WDFY4: variants seen among roughly 807,000 people sequenced by gnomAD.
The protein encoded by WDFY4 is WD repeat- and FYVE domain-containing protein 4.
In WDFY4, 169 loss-of-function variants were observed where a neutral mutation model predicts 351.9. The ratio of observed to expected loss-of-function variants is 0.48; its 90% CI spans 0.42 to 0.55. The LOEUF is 0.55. Among genes scored for constraint, WDFY4 ranks in the 20% least tolerant of loss-of-function variants. The pLI, the probability that WDFY4 is intolerant of heterozygous loss-of-function variation, is 0.00. For missense variants in WDFY4, 3,803 were observed against 3,935.6 expected, an observed-to-expected ratio of 0.97 and a Z score of 0.90; for synonymous variants, 1,622 against 1,574.6, an observed-to-expected ratio of 1.03 and a Z score of -0.71.
intron 2 of WDFY4, among the ~76,000 whole-genome samples, chr10:48,716,443 A>T (rs1432672440): frequency 7.2e-5 from 11 of 152,214 alleles, no homozygotes; most frequent in Non-Finnish European, 1.5e-4. Context: ...AAAGTTTTTT[A>T]AAATATTGAG....
At chr10:48,706,551 A>T (rs1167822298) in intron 1 of WDFY4, among the ~76,000 whole-genome samples, 1 of 152,256 alleles carries the variant, frequency 6.6e-6, no homozygotes, top group African/African-American at 2.4e-5. Context: ...GGGTTAAAAA[A>T]AAGGGTAATA....
chr10:48,686,149 T>C (rs1260656061), intron 1 of WDFY4, among the ~76,000 whole-genome samples: 1 of 152,072 alleles, frequency 6.6e-6, no homozygotes, highest in Non-Finnish European at 1.5e-5. Context: ...CATGGGCTAT[T>C]CTTTCATGAA....
At chr10:48,826,013 G>A (rs753540076) in intron 35 of WDFY4, among the ~76,000 whole-genome samples, 6 of 152,128 alleles carry the variant, frequency 3.9e-5, no homozygotes, top group Admixed American at 6.5e-5. Context: ...TGACATTTTC[G>A]TCATGAAATC....
At position 48,890,582 on chromosome 10, in the gene WDFY4, A is replaced by T; in HGVS notation, c.7171A>T (p.Thr2391Ser). ...CTCTGCCACTCTCTCCTTCCAGGTG[A>T]CGCAGAAGTTCTCCCTGGTGATTGT... ...LQELLDKEKV[T>S]QKFSLVIVQG... The change falls in exon 44 of 62, where the codon ACG becomes TCG. Residue 2391 changes from threonine to serine, a missense_variant. Thr to Ser is a moderately conservative substitution (Grantham distance 58). Around this residue, in one of 3 missense-constraint regions of WDFY4, gnomAD observed 3,054 missense variants for 3,148.6 expected, o/e 0.97. Transcript: ENST00000325239. The T allele has an allele frequency of 1.3e-6, 2 of 1,551,692 alleles. No individual in the cohort carries two copies. Among genetic ancestry groups the T allele is most frequent in the Non-Finnish European group, 1.7e-6 (2 of 1,146,994 alleles).
In WDFY4 at chr10:48,867,455, A is replaced by G. The variant is rs2069590005; in HGVS notation, c.6741+113A>G. ...GTTCTGGATTGCTCACCAGGCTTGC[A>G]CCATGTTGGGGTTTTGCATTTTATC... On this transcript the variant is annotated intron_variant, in intron 40 of 61. Coordinates refer to ENST00000325239, the MANE Select transcript of WDFY4 (RefSeq NM_001394531.1). 2 of 574,970 alleles carry G rather than the reference A, an allele frequency of 3.5e-6. 1 individual carries two copies. The highest frequency in any genetic ancestry group is 1.2e-3 in the Middle Eastern group (2 of 1,722). The allele number at this position is 574,970 out of a possible 1,614,324, so 35.6% of individuals were successfully genotyped here.
chr10:48,760,007 T>A (rs2065453590), intron 12 of WDFY4, among the ~76,000 whole-genome samples: 1 of 152,106 alleles, frequency 6.6e-6, no homozygotes, highest in South Asian at 2.1e-4. Flanking sequence ...AGTGTGTGTG[T>A]GTGTTCAATA....
chr10:48,765,120 T>A (rs2065628092), intron 13 of WDFY4, among the ~76,000 whole-genome samples: 1 of 152,202 alleles, frequency 6.6e-6, no homozygotes, highest in South Asian at 2.1e-4. Context: ...AACATATGGA[T>A]GAGTGGGGCT....
chr10:48,734,628 T>TA (rs1424170878), intron 10 of WDFY4, among the ~76,000 whole-genome samples: 1 of 151,998 alleles, frequency 6.6e-6, no homozygotes, highest in African/African-American at 2.4e-5. Flanking sequence ...TAACTATACC[T>TA]AATGTAAAAA....
intron 11 of WDFY4, among the ~76,000 whole-genome samples, chr10:48,736,887 G>A (rs1324039581): frequency 6.6e-6 from 1 of 152,158 alleles, no homozygotes; most frequent in Non-Finnish European, 1.5e-5. Flanking sequence ...GGGCACAAAG[G>A]GACAAGTGAG....
At chr10:48,732,321 G>A (rs1213334211) in intron 9 of WDFY4, among the ~76,000 whole-genome samples, 5 of 152,096 alleles carry the variant, frequency 3.3e-5, no homozygotes, top group Admixed American at 2.0e-4. Flanking sequence ...AGCTCCTCTG[G>A]TCTTTCCCTC....
At chr10:48,910,953 G>GA (rs1402609217) in intron 47 of WDFY4, 21 of 977,360 alleles carry the variant, frequency 2.1e-5, no homozygotes, top group Non-Finnish European at 2.4e-5. Context: ...CCTAAGGAGG[G>GA]AAAATTAATT....
chr10:48,816,789 A>G (rs2067633250), intron 31 of WDFY4, among the ~76,000 whole-genome samples: 2 of 152,242 alleles, frequency 1.3e-5, no homozygotes, highest in Non-Finnish European at 2.9e-5. Context: ...TTTCTATATT[A>G]AAGATGTGAA....
rs1352344126 is a variant in WDFY4 at position 48,974,519 on chromosome 10, A to AAAAAAAAAAAAAAAAAAAACAAC, written c.8929-333_8929-332insAAAAAAAAACAACAAAAAAAAAA. ...CTCCGTCTCAAAAAAAAAAAAAAAA[A>AAAAAAAAAAAAAAAAAAAACAAC]AAAAAAAAAACAACTCATGACATGA... On this transcript the variant is annotated intron_variant, in intron 57 of 61. Transcript: ENST00000325239. 2.6e-4 allele frequency among the ~76,000 whole-genome samples: 13 copies of AAAAAAAAAAAAAAAAAAAACAAC among 49,970 alleles called. 1 individual carries two copies. Among genetic ancestry groups the AAAAAAAAAAAAAAAAAAAACAAC allele is most frequent in the Non-Finnish European group, 2.9e-4 (8 of 27,746 alleles). 32.8% of individuals were successfully genotyped at this position (49,970 alleles called of 152,430 possible).
rs775734477 is a variant in WDFY4 at position 48,840,446 on chromosome 10, A to ACACC, written c.6663+7738_6663+7739insACCC. ...CACATACACACACACACACACACAC[A>ACACC]CCTCTCTCACGCACACACACACACA... On this transcript the variant is annotated intron_variant, in intron 39 of 61. Transcript: ENST00000325239. Among the ~76,000 whole-genome samples the ACACC allele has an allele frequency of 1.3e-4, 19 of 145,392 alleles. No individual in the cohort carries two copies. The East Asian group carries it at 2.2e-3, about 17-fold the overall frequency.
chr10:48,793,481 TTTTTGC>T (rs1216938766), intron 23 of WDFY4, among the ~76,000 whole-genome samples: 1 of 152,180 alleles, frequency 6.6e-6, no homozygotes, highest in East Asian at 1.9e-4. Context: ...TATTATTTTG[TTTTTGC>T]TTTTGTTTTT....
chr10:48,838,763 G>T (rs1297898689), intron 39 of WDFY4, among the ~76,000 whole-genome samples: 1 of 152,144 alleles, frequency 6.6e-6, no homozygotes, highest in Non-Finnish European at 1.5e-5. Context: ...ATTATTTCAT[G>T]CATTACTGTT....
At position 48,786,726 on chromosome 10, in the gene WDFY4, C is replaced by T. The variant is rs1361746609; in HGVS notation, c.3664C>T (p.Arg1222Ter). ...VDVYGYIATPRVWKQKSSLIW... is the reference protein window; with the variant it reads ...VDVYGYIATP ...TGTTTATGGATATATTGCTACTCCT[C>T]GAGTCTGGAAACAAAAGTCTTCATT... The change falls in exon 20 of 62, where the codon CGA becomes TGA. Residue 1222 changes from arginine (R) to a stop codon, truncating the protein, a stop_gained. Coordinates refer to ENST00000325239, the MANE Select transcript of WDFY4 (RefSeq NM_001394531.1). LOFTEE classifies it high-confidence loss of function. 2 of 1,552,258 alleles carry T rather than the reference C, an allele frequency of 1.3e-6. No individual in the cohort carries two copies. The highest frequency in any genetic ancestry group is 1.7e-6 in the Non-Finnish European group (2 of 1,147,120).
At chr10:48,977,676 C>T (rs568032814) in intron 59 of WDFY4, among the ~76,000 whole-genome samples, 3 of 152,216 alleles carry the variant, frequency 2.0e-5, no homozygotes, top group Non-Finnish European at 4.4e-5. Flanking sequence ...CTGGGCCCCC[C>T]CAAAGCGTAA....
chr10:48,922,876 T>C (rs1227154234), intron 47 of WDFY4, among the ~76,000 whole-genome samples: 1 of 152,074 alleles, frequency 6.6e-6, no homozygotes, highest in Non-Finnish European at 1.5e-5. Flanking sequence ...GTTGCAGGGA[T>C]TAGGGGTTGG....
Sources: gnomAD v4.1 joint callset for allele counts (sites outside exome capture counted in the v4.1 genomes callset) on GRCh38, gnomAD v4.1.1 for gene constraint, gnomAD v4.1.1 regional missense constraint, MANE v1.5 for transcripts, NCBI Gene and HGNC (gene_info 2026-07-23, HGNC 2026-07-21) for gene names.